PDE1A: variants seen among roughly 807,000 people sequenced by gnomAD.
PDE1A encodes the protein dual specificity calcium/calmodulin-dependent 3',5'-cyclic nucleotide phosphodiesterase 1A.
A neutral mutation model predicts 61.7 loss-of-function variants in PDE1A; 35 were observed. The ratio of observed to expected loss-of-function variants is 0.57; its 90% CI spans 0.43 to 0.75. The LOEUF is 0.75. Among genes scored for constraint, PDE1A ranks in the 30% least tolerant of loss-of-function variants. The probability of loss-of-function intolerance (pLI) is 0.00; values close to 1 mark genes in which losing one functional copy is unlikely to be tolerated. For synonymous variants in PDE1A, 232 were observed against 213.2 expected (o/e 1.09, Z -0.77); for missense variants, 597 against 630.6 (o/e 0.95, Z 0.57).
At chr2:182,187,095 GC>G (rs1235168045) in intron 11 of PDE1A, among the ~76,000 whole-genome samples, 1 of 152,188 alleles carries the variant, frequency 6.6e-6, no homozygotes. Flanking sequence ...ATCAGTCAGA[GC>G]TTTCTGCCAG....
In PDE1A at chr2:182,168,252, G is replaced by A. The variant is rs1222508608; in HGVS notation, c.1555C>T (p.Gln519Ter). 1 of 1,592,666 alleles carries A rather than the reference G, an allele frequency of 6.3e-7. No homozygotes were observed. The highest frequency in any genetic ancestry group is 1.4e-5 in the African/African-American group (1 of 73,194). ...GAGGTTTTACTTAAAGGTGTTTACT[G>A]ATGAATAAACTCACACTTCTGTGAA... Residue 519 changes from glutamine (Q) to a stop codon, truncating the protein, a stop_gained, in exon 14 of 14, where the codon CAG (glutamine) becomes TAG (stop). Transcript: ENST00000351439. LOFTEE classifies it high-confidence loss of function.
chr2:182,597,543 G>A, the PDE1A span, among the ~76,000 whole-genome samples: 1 of 152,108 alleles, frequency 6.6e-6, no homozygotes, highest in Admixed American at 6.5e-5. Flanking sequence ...GAGGTGTGGG[G>A]GAAAGGGAGT....
chr2:182,555,336 G>A, the PDE1A span, among the ~76,000 whole-genome samples: 10 of 152,288 alleles, frequency 6.6e-5, no homozygotes, highest in African/African-American at 2.4e-4. Context: ...GATAATAGAA[G>A]TAAGATAACA....
chr2:182,185,461 A>G (rs181807605), intron 13 of PDE1A, among the ~76,000 whole-genome samples: 177 of 152,284 alleles, frequency 1.2e-3, no homozygotes, highest in African/African-American at 4.1e-3. Context: ...CTGAGTCAAA[A>G]AAGCAACTTA....
chr2:182,711,230 A>C, the PDE1A span, among the ~76,000 whole-genome samples: 190 of 152,306 alleles, frequency 1.2e-3, no homozygotes, highest in Admixed American at 3.1e-3. Context: ...TGAGCAATCC[A>C]GTATAAGGTA....
At chr2:182,601,897 T>C in the PDE1A span, among the ~76,000 whole-genome samples, 1 of 152,134 alleles carries the variant, frequency 6.6e-6, no homozygotes, top group African/African-American at 2.4e-5. Context: ...CACCAATTGG[T>C]CCATGGGCAG....
At chr2:182,191,762 T>C (rs1486888403) in intron 10 of PDE1A, among the ~76,000 whole-genome samples, 4 of 151,702 alleles carry the variant, frequency 2.6e-5, no homozygotes, top group African/African-American at 9.7e-5. Flanking sequence ...ATGTAATAGA[T>C]GTATTTTTAT....
chr2:182,453,417 A>T (rs1685660083), intron 2 of PDE1A, among the ~76,000 whole-genome samples: 1 of 151,990 alleles, frequency 6.6e-6, no homozygotes, highest in Non-Finnish European at 1.5e-5. Context: ...TTCCAAAAGA[A>T]TTGTGAACTT....
chr2:182,694,245 A>G, the PDE1A span, among the ~76,000 whole-genome samples: 2 of 152,208 alleles, frequency 1.3e-5, no homozygotes, highest in Admixed American at 1.3e-4. Flanking sequence ...CTTTCCCACT[A>G]AATTGTTTTG....
At chr2:182,325,608 C>T (rs192255879) in intron 1 of PDE1A, among the ~76,000 whole-genome samples, 1 of 152,238 alleles carries the variant, frequency 6.6e-6, no homozygotes, top group Admixed American at 6.5e-5. Context: ...AGAACTCCTG[C>T]AACTTAACAA....
intron 10 of PDE1A, among the ~76,000 whole-genome samples, chr2:182,201,041 A>C (rs1686583440): frequency 6.6e-6 from 1 of 152,174 alleles, no homozygotes. Context: ...CAGCTAAAGC[A>C]ATATTTCTTG....
chr2:182,189,642 T>C (rs1373235061), intron 10 of PDE1A, among the ~76,000 whole-genome samples: 2 of 152,218 alleles, frequency 1.3e-5, no homozygotes, highest in African/African-American at 4.8e-5. Context: ...AATTGAAATA[T>C]CAATTTTTTT....
exon 2 of PDE1A, chr2:182,522,371 C>T (rs1395925502): frequency 6.2e-7 from 1 of 1,613,306 alleles, no homozygotes; most frequent in Non-Finnish European, 8.5e-7. Context: ...TGGCACTAGA[C>T]CCCATGATGA....
In PDE1A at chr2:182,283,420, T is replaced by TACAC. The variant is rs3063230; in HGVS notation, c.54-19010_54-19007dup. Among the ~76,000 whole-genome samples the TACAC allele has an allele frequency of 6.4e-3, 951 of 149,662 alleles. 9 individuals are homozygous for TACAC. Among genetic ancestry groups the TACAC allele is most frequent in the African/African-American group, 0.021 (868 of 40,922 alleles). On this transcript the variant is annotated intron_variant, in intron 1 of 13. Transcript: ENST00000351439. ...TACCTGAGTTACACACACACACACATACACACACACACACACACTTTAAGA... is the reference window on the plus strand; with the variant it reads ...TACCTGAGTTACACACACACACACATACACACACACACACACACACACTTTAAGA...
chr2:182,619,514 C>T, the PDE1A span, among the ~76,000 whole-genome samples: 1 of 152,024 alleles, frequency 6.6e-6, no homozygotes, highest in Non-Finnish European at 1.5e-5. Context: ...GAGCCACTCA[C>T]GGAGTGAGTG....
At chr2:182,317,164 G>A (rs1696389373) in intron 1 of PDE1A, among the ~76,000 whole-genome samples, 2 of 152,020 alleles carry the variant, frequency 1.3e-5, no homozygotes, top group Admixed American at 1.3e-4. Flanking sequence ...TTTATGACAC[G>A]TGGAGTGATA....
chr2:182,664,359 A>G, the PDE1A span, among the ~76,000 whole-genome samples: 2 of 152,196 alleles, frequency 1.3e-5, no homozygotes, highest in African/African-American at 2.4e-5. Flanking sequence ...ATGCCCATCA[A>G]TGACAGAATA....
At chr2:182,591,833 C>T in the PDE1A span, among the ~76,000 whole-genome samples, 1 of 152,352 alleles carries the variant, frequency 6.6e-6, no homozygotes, top group South Asian at 2.1e-4. Flanking sequence ...GCCTATGCAA[C>T]ATTTCTAACC....
At chr2:182,424,817 C>A (rs1051275901) in intron 1 of PDE1A, among the ~76,000 whole-genome samples, 1 of 152,176 alleles carries the variant, frequency 6.6e-6, no homozygotes, top group Non-Finnish European at 1.5e-5. Flanking sequence ...ACCAATAAAT[C>A]CTGCTCTCAC....
Sources: gnomAD v4.1 joint callset for allele counts (sites outside exome capture counted in the v4.1 genomes callset) on GRCh38, gnomAD v4.1.1 for gene constraint, MANE v1.5 for transcripts, NCBI Gene and HGNC (gene_info 2026-07-23, HGNC 2026-07-21) for gene names.